Variants in AK4 observed in about 807,000 individuals in gnomAD.
AK4 encodes adenylate kinase 4.
In AK4, 13 loss-of-function variants were observed where a neutral mutation model predicts 24.6. The observed-to-expected ratio is 0.53, with a 90% CI of 0.34 to 0.84. The LOEUF is 0.84. Among genes scored for constraint, AK4 ranks in the 40% least tolerant of loss-of-function variants. The probability of loss-of-function intolerance (pLI) is 0.01; values close to 1 mark genes in which losing one functional copy is unlikely to be tolerated. For synonymous variants in AK4, 88 were observed against 107.0 expected (o/e 0.82, Z 1.10); for missense variants, 192 against 288.2 (o/e 0.67, Z 2.42).
chr1:65,158,789 G>C (rs890112315), intron 1 of AK4, among the ~76,000 whole-genome samples: 2 of 152,142 alleles, frequency 1.3e-5, no homozygotes, highest in African/African-American at 4.8e-5. Context: ...TTACAGGTGT[G>C]AGCCACTGCA....
intron 1 of AK4, among the ~76,000 whole-genome samples, chr1:65,170,399 G>A (rs1349339484): frequency 2.0e-5 from 3 of 152,040 alleles, no homozygotes; most frequent in African/African-American, 4.8e-5. Context: ...AAAAAAATCA[G>A]TTTTAAGGTA....
intron 1 of AK4, among the ~76,000 whole-genome samples, chr1:65,172,723 T>C (rs1650579322): frequency 6.6e-6 from 1 of 152,148 alleles, no homozygotes; most frequent in Non-Finnish European, 1.5e-5. Flanking sequence ...AGGTTTCTTA[T>C]TGGGTAATTT....
chr1:65,163,612 G>A (rs1479244538), intron 1 of AK4, among the ~76,000 whole-genome samples: 1 of 152,212 alleles, frequency 6.6e-6, no homozygotes, highest in East Asian at 1.9e-4. Flanking sequence ...CCAGGTTGCA[G>A]TTTGTCCACA....
At chr1:65,161,976 G>A (rs1001856353) in intron 1 of AK4, among the ~76,000 whole-genome samples, 8 of 152,116 alleles carry the variant, frequency 5.3e-5, no homozygotes, top group Non-Finnish European at 7.4e-5. Flanking sequence ...GGCCGGGCAC[G>A]GTGGTTCACA....
intron 1 of AK4, among the ~76,000 whole-genome samples, chr1:65,158,081 G>A (rs940332466): frequency 6.6e-6 from 1 of 152,070 alleles, no homozygotes; most frequent in Non-Finnish European, 1.5e-5. Flanking sequence ...TAATGATATT[G>A]TCAAAGGAAA....
At chr1:65,220,246 A>C (rs1652256079) in intron 3 of AK4, among the ~76,000 whole-genome samples, 1 of 152,230 alleles carries the variant, frequency 6.6e-6, no homozygotes, top group Non-Finnish European at 1.5e-5. Context: ...TTGGGTAAAG[A>C]CCAAGGAGTG....
At chr1:65,217,208 C>T (rs996514429) in intron 2 of AK4, among the ~76,000 whole-genome samples, 1 of 152,192 alleles carries the variant, frequency 6.6e-6, no homozygotes, top group Non-Finnish European at 1.5e-5. Context: ...TCACATTCAA[C>T]TCAGTGAGCA....
At chr1:65,178,579 T>A (rs1309171576) in intron 1 of AK4, among the ~76,000 whole-genome samples, 2 of 152,068 alleles carry the variant, frequency 1.3e-5, no homozygotes, top group Non-Finnish European at 2.9e-5. Flanking sequence ...ACTCTCAAGG[T>A]AAGATAGGAG....
chr1:65,150,271 TTCTCTCTC>T (rs72275469), intron 1 of AK4, among the ~76,000 whole-genome samples: 1 of 129,730 alleles, frequency 7.7e-6, no homozygotes, highest in Admixed American at 7.2e-5. Context: ...TGTTCTCTCT[TTCTCTCTC>T]TCTCTCTTTT....
intron 1 of AK4, among the ~76,000 whole-genome samples, chr1:65,189,231 G>A (rs181385015): frequency 0.015 from 2,233 of 150,850 alleles, 19 homozygotes; most frequent in Middle Eastern, 0.038. Flanking sequence ...CACCACACCT[G>A]GCTCTTTGTG....
intron 1 of AK4, among the ~76,000 whole-genome samples, chr1:65,151,173 G>A (rs902741748): frequency 6.6e-6 from 1 of 152,074 alleles, no homozygotes; most frequent in Non-Finnish European, 1.5e-5. Context: ...AAGGTTCGAG[G>A]TCAGGCTGGT....
intron 1 of AK4, chr1:65,154,623 C>T (rs988791854): frequency 1.8e-5 from 9 of 494,348 alleles, no homozygotes; most frequent in Admixed American, 4.0e-5. Flanking sequence ...AGTACGCGAA[C>T]GATATCAGTT....
chr1:65,211,807 A>T (rs1241949236), intron 2 of AK4, among the ~76,000 whole-genome samples: 2 of 152,264 alleles, frequency 1.3e-5, no homozygotes, highest in Non-Finnish European at 2.9e-5. Context: ...AGAAACACTT[A>T]AAAAATAAGG....
intron 1 of AK4, among the ~76,000 whole-genome samples, chr1:65,159,478 A>G (rs919547900): frequency 3.2e-4 from 49 of 151,786 alleles, no homozygotes; most frequent in Admixed American, 2.5e-3. Flanking sequence ...GCAACATGGC[A>G]AGACCCTGTC....
At chr1:65,204,494 C>G (rs1466608315) in intron 2 of AK4, among the ~76,000 whole-genome samples, 1 of 152,190 alleles carries the variant, frequency 6.6e-6, no homozygotes, top group Admixed American at 6.5e-5. Context: ...AGCCACCATA[C>G]CTAGCCTTAA....
intron 2 of AK4, among the ~76,000 whole-genome samples, chr1:65,210,543 T>C (rs1261310462): frequency 6.6e-6 from 1 of 152,196 alleles, no homozygotes; most frequent in Non-Finnish European, 1.5e-5. Context: ...GATTTCCCCT[T>C]AGGATGCTAC....
intron 1 of AK4, among the ~76,000 whole-genome samples, chr1:65,166,999 G>C (rs976525333): frequency 7.9e-5 from 12 of 152,166 alleles, no homozygotes; most frequent in African/African-American, 2.9e-4. Context: ...AGGTGTGGTG[G>C]CTTGTGCCTG....
At chr1:65,222,681 A>G (rs1006131659) in intron 3 of AK4, among the ~76,000 whole-genome samples, 1 of 152,218 alleles carries the variant, frequency 6.6e-6, no homozygotes, top group Admixed American at 6.5e-5. Context: ...TGGGTTAACA[A>G]CCATAGAATA....
intron 1 of AK4, among the ~76,000 whole-genome samples, chr1:65,187,811 G>GA (rs1447356788): frequency 6.6e-6 from 1 of 152,178 alleles, no homozygotes; most frequent in Non-Finnish European, 1.5e-5. Flanking sequence ...TACATCTCCA[G>GA]AATATGACCT....
Sources: allele counts gnomAD v4.1 joint callset (sites outside exome capture counted in the v4.1 genomes callset), GRCh38; gene constraint gnomAD v4.1.1; transcripts MANE v1.5; gene names NCBI Gene and HGNC (gene_info 2026-07-23, HGNC 2026-07-21).